STK11: variants seen among roughly 807,000 people sequenced by gnomAD.
STK11 encodes the protein serine/threonine kinase 11.
A neutral mutation model predicts 47.3 loss-of-function variants in STK11; 8 were observed. The observed-to-expected ratio is 0.17, with a 90% confidence interval of 0.10 to 0.31. The LOEUF is 0.31. Ranked by LOEUF, STK11 falls within the 10% of genes least tolerant of loss-of-function variation. The probability of loss-of-function intolerance (pLI) is 1.00; values close to 1 mark genes in which losing one functional copy is unlikely to be tolerated. For synonymous variants in STK11, 330 were observed against 255.8 expected (o/e 1.29, Z -2.77); for missense variants, 475 against 605.0 (o/e 0.79, Z 2.25).
chr19:1,219,016 G>A (rs578253434), intron 2 of STK11, among the ~76,000 whole-genome samples: 4 of 152,290 alleles, frequency 2.6e-5, no homozygotes, highest in South Asian at 2.1e-4. Context: ...GCATGGGCCC[G>A]AGCCTGCTTG....
chr19:1,226,010 C>A, intron 8 of STK11: 1 of 1,010,014 alleles, frequency 9.9e-7, no homozygotes, highest in Non-Finnish European at 1.2e-6. Flanking sequence ...TTTCGCGTGC[C>A]TGGCCTGAGC....
At chr19:1,208,775 G>A (rs1237202880) in intron 1 of STK11, among the ~76,000 whole-genome samples, 1 of 130,256 alleles carries the variant, frequency 7.7e-6, no homozygotes, top group Non-Finnish European at 1.6e-5. Flanking sequence ...CTGCCACAGT[G>A]CCCAGCTAAT....
At chr19:1,219,085 C>T (rs1471873528) in intron 2 of STK11, among the ~76,000 whole-genome samples, 5 of 152,230 alleles carry the variant, frequency 3.3e-5, no homozygotes, top group East Asian at 1.9e-4. Flanking sequence ...ACGTGAGCCC[C>T]GCAGGAACGC....
Position 1,228,028 on chromosome 19 carries a change from TTTTG to T in STK11, c.*457_*460del, listed in dbSNP as rs1408606943. The stretch of plus-strand genomic sequence containing the variant: ...TGGAAGCCGCGCGGCCGCTTTGGTT[TTTTG>T]TTTGGTTGGTTCCATTTTCTTTTTT... On this transcript the variant is annotated 3_prime_UTR_variant, in exon 10 of 10. Coordinates refer to ENST00000326873, the MANE Select transcript of STK11 (RefSeq NM_000455.5). 1.4e-5 allele frequency: 15 copies of T among 1,066,280 alleles called. No homozygotes were observed. Among genetic ancestry groups the T allele is most frequent in the African/African-American group, 6.6e-5 (4 of 61,022 alleles). The allele number at this position is 1,066,280 out of a possible 1,614,324, so 66.1% of individuals were successfully genotyped here.
chr19:1,218,525 C>T lies in STK11; in HGVS notation c.374+25C>T, dbSNP rs369265796. 2.6e-5 allele frequency: 42 copies of T among 1,603,398 alleles called. No individual in the cohort carries two copies. The African/African-American group carries it at 3.3e-4, about 13-fold the overall frequency. On this transcript the variant is annotated intron_variant, in intron 2 of 9. Transcript: ENST00000326873. ...TATATCCTTTCCGGTGTTGGGACCG[C>T]GGGGCCTCCGTGGGAGGGGCTGGGG... is the stretch of plus-strand genomic sequence containing the variant.
intron 8 of STK11, chr19:1,225,970 C>G: frequency 1.0e-6 from 1 of 993,006 alleles, no homozygotes; most frequent in Non-Finnish European, 1.2e-6. Context: ...GCAGGCTGAG[C>G]TCTGCTCCCC....
chr19:1,225,088 G>A (rs1456842562), intron 8 of STK11: 3 of 986,144 alleles, frequency 3.0e-6, no homozygotes, highest in Middle Eastern at 5.2e-4. Flanking sequence ...CAGGGAAGGG[G>A]CTTGGGCTAG....
chr19:1,226,208 G>C, intron 8 of STK11: 1 of 1,360,240 alleles, frequency 7.4e-7, no homozygotes, highest in Non-Finnish European at 9.5e-7. Context: ...GCCATGGCAG[G>C]TGCAACAGAC....
chr19:1,223,311 A>T lies in STK11; in HGVS notation c.1108+139A>T, dbSNP rs1599929714. The T allele has an allele frequency of 2.7e-6, 3 of 1,092,648 alleles. No individual in the cohort carries two copies. In the Admixed American group the frequency reaches 6.5e-5, roughly 24 times the overall value. The allele number at this position is 1,092,648 out of a possible 1,614,324, so 67.7% of individuals were successfully genotyped here. ...CCCACGTCCCCAAAGCCTCCAGCCC[A>T]CCTGCAGGCTGCCTCCGCCCTGCGG... On this transcript the variant is annotated intron_variant, in intron 8 of 9. Transcript: ENST00000326873.
Position 1,207,056 on chromosome 19 carries a change from A to G in STK11, c.143A>G (p.Lys48Arg), listed in dbSNP as rs766776431. 1.2e-6 allele frequency: 2 copies of G among 1,613,940 alleles called. No individual in the cohort carries two copies. Among genetic ancestry groups the G allele is most frequent in the African/African-American group, 2.7e-5 (2 of 75,048 alleles). Residue 48 changes from lysine to arginine, a missense_variant, in exon 1 of 10, where the codon AAG becomes AGG. Lys to Arg is a conservative substitution (Grantham distance 26). Transcript: ENST00000326873. ...CGCAAGCGGGCCAAGCTCATCGGCA[A>G]GTACCTGATGGGGGACCTGCTGGGG... ...PRRKRAKLIGKYLMGDLLGEG... is the reference protein window; with the variant it reads ...PRRKRAKLIGRYLMGDLLGEG...
chr19:1,209,305 G>C (rs555345221), intron 1 of STK11, among the ~76,000 whole-genome samples: 1 of 152,158 alleles, frequency 6.6e-6, no homozygotes, highest in Non-Finnish European at 1.5e-5. Flanking sequence ...CTTAGGGGCC[G>C]GGCGCGGTGG....
At chr19:1,221,380 G>A (rs1013696926) in intron 6 of STK11, 40 bp downstream of exon 6, 10 of 1,565,550 alleles carry the variant, frequency 6.4e-6, no homozygotes, top group South Asian at 1.2e-5. Context: ...CCAGGGAGGC[G>A]GGGCTTTTGT....
At chr19:1,225,069 C>G (rs1020379545) in intron 8 of STK11, 1 of 985,882 alleles carries the variant, frequency 1.0e-6, no homozygotes, top group African/African-American at 1.7e-5. Flanking sequence ...GCTGCCAACA[C>G]CCAGATCCCA....
rs2080775710 is a variant in STK11, at chr19:1,220,572, C to T, written c.598-9C>T. ...GGCACTCCCTGAGGGCTGCACGGCA[C>T]CGCCACAGGCACTGCACCCGTTCGC... On this transcript the variant is annotated splice_polypyrimidine_tract_variant and intron_variant, in intron 4 of 9. Coordinates refer to ENST00000326873, the MANE Select transcript of STK11 (RefSeq NM_000455.5). 1 of 1,577,198 alleles carries T rather than the reference C, an allele frequency of 6.3e-7. No individual in the cohort carries two copies. The highest frequency in any genetic ancestry group is 1.3e-5 in the African/African-American group (1 of 74,228).
In STK11 at chr19:1,205,936, A is replaced by G. The variant is rs1212227871; in HGVS notation, c.-978A>G. 1 of 161,492 alleles carries G rather than the reference A, an allele frequency of 6.2e-6. No individual in the cohort carries two copies. The highest frequency in any genetic ancestry group is 1.3e-5 in the Non-Finnish European group (1 of 74,592). 10.0% of individuals were successfully genotyped at this position (161,492 alleles called of 1,614,324 possible). Reference sequence around the variant, plus strand: ...CCCCCCTCGCCGCTCCGCCTCCTCCACACGCGCGGCGGCCGCGGCGAGGGG... The same window carrying G: ...CCCCCCTCGCCGCTCCGCCTCCTCCGCACGCGCGGCGGCCGCGGCGAGGGG... On this transcript the variant is annotated 5_prime_UTR_variant, in exon 1 of 10. Coordinates refer to ENST00000326873, the MANE Select transcript of STK11 (RefSeq NM_000455.5).
Position 1,226,557 on chromosome 19 carries a change from C to A in STK11, c.1212C>A (p.Ser404=), listed in dbSNP as rs754945004. The change falls in exon 9 of 10, where the codon TCC becomes TCA. Residue 404 remains serine (S), a synonymous_variant. Coordinates refer to ENST00000326873, the MANE Select transcript of STK11 (RefSeq NM_000455.5). ...AGGCGGCGCAGCTGAGCACCAAATC[C>A]AGGGCGGAGGGCCGGGCCCCCAACC... is the stretch of plus-strand genomic sequence containing the variant. The part of the protein sequence containing the change: ...GTEAAQLSTK[S]RAEGRAPNPA... The A allele has an allele frequency of 6.3e-7, 1 of 1,599,002 alleles. No homozygotes were observed. Among genetic ancestry groups the A allele is most frequent in the Non-Finnish European group, 8.5e-7 (1 of 1,174,162 alleles).
chr19:1,226,728 G>C, intron 9 of STK11, 65 bp downstream of exon 9: 1 of 1,431,064 alleles, frequency 7.0e-7, no homozygotes, highest in Non-Finnish European at 9.1e-7. Context: ...AGCCAGCCGT[G>C]AGCATAGCCC....
intron 1 of STK11, among the ~76,000 whole-genome samples, chr19:1,207,665 C>T (rs1388625664): frequency 2.0e-5 from 3 of 152,224 alleles, no homozygotes; most frequent in Non-Finnish European, 4.4e-5. Context: ...TTTGTTTATC[C>T]TGTCAGAGGG....
In STK11 at chr19:1,223,752, G is replaced by T. The variant is rs562795295; in HGVS notation, c.1108+580G>T. On this transcript the variant is annotated intron_variant, in intron 8 of 9. Coordinates refer to ENST00000326873, the MANE Select transcript of STK11 (RefSeq NM_000455.5). ...CGGCCGGCGCCGCAGTAGTGCCTGA[G>T]GAGGAGCTCAGGGCCTTAGCGTAGG... 245 of 1,041,336 alleles carry T rather than the reference G, an allele frequency of 2.4e-4. 1 individual carries two copies. The Middle Eastern group carries it at 2.7e-3, about 11-fold the overall frequency. The allele number at this position is 1,041,336 out of a possible 1,614,324, so 64.5% of individuals were successfully genotyped here. A position where few individuals can be genotyped will look rare whatever the true frequency, so the allele number is the denominator to read the frequency against.
Sources: allele counts gnomAD v4.1 joint callset (sites outside exome capture counted in the v4.1 genomes callset), GRCh38; gene constraint gnomAD v4.1.1; transcripts MANE v1.5; gene names NCBI Gene and HGNC (gene_info 2026-07-23, HGNC 2026-07-21).